The following CRB1 variants were observed in gnomAD, a reference collection of about 807,000 sequenced individuals.
CRB1 encodes protein crumbs homolog 1.
In CRB1, 83 loss-of-function variants were observed where a neutral mutation model predicts 120.0. The ratio of observed to expected loss-of-function variants is 0.69; its 90% confidence interval spans 0.58 to 0.83. The LOEUF (loss-of-function observed/expected upper bound fraction) is 0.83. Among genes scored for constraint, CRB1 ranks in the 40% least tolerant of loss-of-function variants. The pLI, the probability that CRB1 is intolerant of heterozygous loss-of-function variation, is 0.00. For synonymous variants in CRB1, 625 were observed against 612.5 expected (o/e 1.02, Z -0.30); for missense variants, 1,699 against 1,687.6 (o/e 1.01, Z -0.12).
the CRB1 span, among the ~76,000 whole-genome samples, chr1:197,203,406 G>A: frequency 5.3e-5 from 8 of 151,916 alleles, no homozygotes; most frequent in African/African-American, 1.2e-4. Flanking sequence ...TGCAACCTCC[G>A]CTTCCCGGGT....
At chr1:197,355,410 T>C (rs1660412054) in intron 4 of CRB1, among the ~76,000 whole-genome samples, 1 of 152,202 alleles carries the variant, frequency 6.6e-6, no homozygotes, top group Admixed American at 6.5e-5. Context: ...CCTCAGCCCT[T>C]GGGCGGTTGA....
intron 5 of CRB1, chr1:197,413,827 C>T (rs761852662): frequency 2.3e-6 from 1 of 434,782 alleles, no homozygotes; most frequent in Admixed American, 2.4e-5. Context: ...TACTCTCTAC[C>T]TGCGAGAAAG....
chr1:197,319,280 T>A (rs1322584694), intron 1 of CRB1, among the ~76,000 whole-genome samples: 45 of 34,332 alleles, frequency 1.3e-3, no homozygotes, highest in East Asian at 0.013. Context: ...AAAAAAAAAT[T>A]AGCCGGACGT....
the CRB1 span, among the ~76,000 whole-genome samples, chr1:197,210,922 A>G: frequency 4.6e-5 from 7 of 152,142 alleles, no homozygotes; most frequent in African/African-American, 1.7e-4. Flanking sequence ...TCACAAGTTT[A>G]TTTCTAAAGA....
chr1:197,342,135 C>A (rs1185364138), intron 2 of CRB1, among the ~76,000 whole-genome samples: 1 of 152,168 alleles, frequency 6.6e-6, no homozygotes, highest in Admixed American at 6.5e-5. Context: ...TTCTCAGTCA[C>A]CTTCATCTTT....
At chr1:197,460,921 G>A (rs1473393956) in intron 11 of CRB1, among the ~76,000 whole-genome samples, 1 of 152,128 alleles carries the variant, frequency 6.6e-6, no homozygotes, top group African/African-American at 2.4e-5. Context: ...TAAAGAACAG[G>A]TCTAGGGGCA....
intron 2 of CRB1, among the ~76,000 whole-genome samples, chr1:197,341,573 G>A (rs1305748896): frequency 1.3e-5 from 2 of 152,020 alleles, no homozygotes; most frequent in Non-Finnish European, 2.9e-5. Flanking sequence ...CTGGTCTGGA[G>A]GTACAGAATG....
intron 1 of CRB1, among the ~76,000 whole-genome samples, chr1:197,289,211 A>G (rs1656019708): frequency 6.6e-6 from 1 of 151,930 alleles, no homozygotes; most frequent in African/African-American, 2.4e-5. Context: ...TTCTTTCTTA[A>G]TTATATCTCT....
intron 2 of CRB1, among the ~76,000 whole-genome samples, chr1:197,340,903 ACT>A (rs1659414928): frequency 6.6e-6 from 1 of 152,132 alleles, no homozygotes; most frequent in African/African-American, 2.4e-5. Context: ...GGTTTAATTA[ACT>A]CACAGTTCCA....
chr1:197,278,830 G>C (rs552281541), intron 1 of CRB1, among the ~76,000 whole-genome samples: 1 of 152,006 alleles, frequency 6.6e-6, no homozygotes, highest in East Asian at 1.9e-4. Flanking sequence ...ATATTAAGCA[G>C]TTAAAATGAG....
the CRB1 span, among the ~76,000 whole-genome samples, chr1:197,241,312 T>C: frequency 6.6e-6 from 1 of 152,230 alleles, no homozygotes; most frequent in Non-Finnish European, 1.5e-5. Context: ...TAGGTTTTAC[T>C]CTAGGGTTTT....
At chr1:197,378,710 C>G (rs560193150) in intron 5 of CRB1, among the ~76,000 whole-genome samples, 5 of 140,422 alleles carry the variant, frequency 3.6e-5, no homozygotes, top group Admixed American at 2.1e-4. Flanking sequence ...TTGCTTTTTT[C>G]AAAGAGTTTC....
At chr1:197,283,493 T>G (rs1374478828) in intron 1 of CRB1, among the ~76,000 whole-genome samples, 1 of 151,880 alleles carries the variant, frequency 6.6e-6, no homozygotes, top group Non-Finnish European at 1.5e-5. Context: ...ACATATGATG[T>G]TTGGTTTTCC....
the CRB1 span, among the ~76,000 whole-genome samples, chr1:197,226,106 G>A: frequency 2.0e-5 from 3 of 151,874 alleles, no homozygotes; most frequent in East Asian, 5.8e-4. Context: ...ATGGGGTTTC[G>A]CCATGTTGCC....
chr1:197,228,180 A>T, the CRB1 span, among the ~76,000 whole-genome samples: 1 of 152,182 alleles, frequency 6.6e-6, no homozygotes, highest in Non-Finnish European at 1.5e-5. Context: ...TTGGGGATTA[A>T]CATTTGGCTC....
intron 5 of CRB1, among the ~76,000 whole-genome samples, chr1:197,394,529 G>T (rs2125420742): frequency 6.6e-6 from 1 of 151,962 alleles, no homozygotes; most frequent in African/African-American, 2.4e-5. Flanking sequence ...CATAGATATT[G>T]TAAAACTACC....
chr1:197,435,618 C>T lies in CRB1; in HGVS notation c.3749+6C>T. On this transcript the variant is annotated splice_donor_region_variant and intron_variant, in intron 9 of 11. Transcript: ENST00000367400. ...TTTACAGGAAAATTTTGCAGGTGAG[C>T]ATAAAGTCCATATGAAGCTTGGTCT... The T allele has an allele frequency of 6.2e-7, 1 of 1,607,426 alleles. No homozygotes were observed. Among genetic ancestry groups the T allele is most frequent in the East Asian group, 2.2e-5 (1 of 44,742 alleles).
the CRB1 span, among the ~76,000 whole-genome samples, chr1:197,252,730 C>T: frequency 6.7e-6 from 1 of 150,242 alleles, no homozygotes; most frequent in Non-Finnish European, 1.5e-5. Context: ...GAACTGCATA[C>T]TACAAGCTGG....
At chr1:197,211,234 A>G in the CRB1 span, among the ~76,000 whole-genome samples, 1 of 152,348 alleles carries the variant, frequency 6.6e-6, no homozygotes, top group South Asian at 2.1e-4. Context: ...AACCACACCA[A>G]ATAAACCACA....
Sources: gnomAD v4.1 joint callset for allele counts (sites outside exome capture counted in the v4.1 genomes callset) on GRCh38, gnomAD v4.1.1 for gene constraint, MANE v1.5 for transcripts, NCBI Gene and HGNC (gene_info 2026-07-23, HGNC 2026-07-21) for gene names.